Variants in KCND2 observed in about 807,000 individuals in gnomAD.
KCND2 encodes the protein potassium voltage-gated channel subfamily D member 2, also known as A-type voltage-gated potassium channel KCND2.
Under a neutral mutation model 54.4 loss-of-function variants are expected in KCND2, and 16 were observed. The observed-to-expected ratio is 0.29, with a 90% confidence interval of 0.20 to 0.45. KCND2 has a LOEUF of 0.45. KCND2 is among the 20% of genes least tolerant of loss of function. The probability of loss-of-function intolerance (pLI) is 1.00; values close to 1 mark genes in which losing one functional copy is unlikely to be tolerated. For missense variants in KCND2, 486 were observed against 824.2 expected (o/e 0.59, Z 5.02); for synonymous variants, 317 against 310.7 (o/e 1.02, Z -0.21).
intron 2 of KCND2, among the ~76,000 whole-genome samples, chr7:120,734,151 T>G (rs1343922367): frequency 6.6e-6 from 1 of 152,058 alleles, no homozygotes; most frequent in Non-Finnish European, 1.5e-5. Context: ...CAGAAACAAT[T>G]GTACTGATTA....
At chr7:120,426,989 A>G (rs752812592) in intron 1 of KCND2, among the ~76,000 whole-genome samples, 3 of 152,174 alleles carry the variant, frequency 2.0e-5, no homozygotes, top group Admixed American at 6.5e-5. Flanking sequence ...GAAATTCTCT[A>G]AAGGAAATGT....
chr7:120,482,934 A>C (rs185718033), intron 1 of KCND2, among the ~76,000 whole-genome samples: 2 of 152,280 alleles, frequency 1.3e-5, no homozygotes, highest in African/African-American at 4.8e-5. Context: ...TGACCCTACT[A>C]TTGACCCTGA....
chr7:120,513,534 A>C (rs1295015163), intron 1 of KCND2, among the ~76,000 whole-genome samples: 1 of 152,146 alleles, frequency 6.6e-6, no homozygotes, highest in Admixed American at 6.6e-5. Flanking sequence ...ATTTCACTAA[A>C]GTGATCCTCC....
chr7:120,635,153 A>T (rs557448521), intron 1 of KCND2, among the ~76,000 whole-genome samples: 5 of 152,258 alleles, frequency 3.3e-5, no homozygotes, highest in African/African-American at 1.2e-4. Flanking sequence ...TTCTTACTTT[A>T]TGAGCTTGTC....
intron 1 of KCND2, among the ~76,000 whole-genome samples, chr7:120,313,275 T>C (rs577663070): frequency 6.6e-6 from 1 of 152,290 alleles, no homozygotes; most frequent in African/African-American, 2.4e-5. Context: ...TTAAACAAAT[T>C]GATTGATAAA....
chr7:120,353,052 A>G (rs1203485717), intron 1 of KCND2, among the ~76,000 whole-genome samples: 1 of 151,504 alleles, frequency 6.6e-6, no homozygotes. Context: ...GCTTGTATTA[A>G]CCCTATACAA....
chr7:120,701,246 A>G (rs1792398339), intron 1 of KCND2, among the ~76,000 whole-genome samples: 1 of 59,532 alleles, frequency 1.7e-5, no homozygotes, highest in South Asian at 4.3e-4. Context: ...TAGCTAAAAA[A>G]AAAAAAAAAA....
At chr7:120,413,631 C>A (rs997715273) in intron 1 of KCND2, among the ~76,000 whole-genome samples, 5 of 151,772 alleles carry the variant, frequency 3.3e-5, no homozygotes, top group Non-Finnish European at 7.4e-5. Flanking sequence ...AAATTAATCC[C>A]TTTTCATGCA....
chr7:120,699,443 C>A (rs922169728), intron 1 of KCND2, among the ~76,000 whole-genome samples: 1 of 152,002 alleles, frequency 6.6e-6, no homozygotes, highest in Non-Finnish European at 1.5e-5. Context: ...GACAAACAAC[C>A]AGAAGCTTTG....
chr7:120,553,919 T>C (rs905703439), intron 1 of KCND2, among the ~76,000 whole-genome samples: 1 of 152,218 alleles, frequency 6.6e-6, no homozygotes, highest in Admixed American at 6.5e-5. Context: ...TAAAAAGTTA[T>C]TATGCAGATC....
At chr7:120,479,802 A>C (rs1395239696) in intron 1 of KCND2, among the ~76,000 whole-genome samples, 3,473 of 144,586 alleles carry the variant, frequency 0.024, 133 homozygotes, top group African/African-American at 0.081. Flanking sequence ...CACACAAAAA[A>C]AAAAAAAAAA....
At chr7:120,437,364 A>G (rs569765639) in intron 1 of KCND2, among the ~76,000 whole-genome samples, 1 of 151,080 alleles carries the variant, frequency 6.6e-6, no homozygotes, top group African/African-American at 2.4e-5. Context: ...CACCATGCCC[A>G]GATAATTTTT....
intron 1 of KCND2, among the ~76,000 whole-genome samples, chr7:120,410,619 C>T (rs1801435797): frequency 1.3e-5 from 2 of 151,826 alleles, no homozygotes; most frequent in Admixed American, 1.3e-4. Context: ...CATATGTATA[C>T]ATGTGCCATA....
At chr7:120,580,914 G>A (rs1792506726) in intron 1 of KCND2, among the ~76,000 whole-genome samples, 1 of 152,160 alleles carries the variant, frequency 6.6e-6, no homozygotes, top group Non-Finnish European at 1.5e-5. Context: ...AAGGATAGTT[G>A]AACATGGATT....
At chr7:120,723,551 G>A (rs1054434251) in intron 1 of KCND2, among the ~76,000 whole-genome samples, 1 of 152,114 alleles carries the variant, frequency 6.6e-6, no homozygotes, top group Non-Finnish European at 1.5e-5. Flanking sequence ...GGAGTTATTT[G>A]TATTTTAAAA....
intron 1 of KCND2, among the ~76,000 whole-genome samples, chr7:120,292,345 A>G (rs1799447653): frequency 6.6e-6 from 1 of 151,858 alleles, no homozygotes; most frequent in South Asian, 2.1e-4. Context: ...TTGCAATATT[A>G]TCCAAATACC....
intron 1 of KCND2, among the ~76,000 whole-genome samples, chr7:120,309,207 C>G (rs114584107): frequency 1.1e-4 from 17 of 152,176 alleles, no homozygotes; most frequent in African/African-American, 4.1e-4. Flanking sequence ...CCCACTGACT[C>G]ACCTCTGCAT....
chr7:120,532,381 T>C (rs959905326), intron 1 of KCND2, among the ~76,000 whole-genome samples: 1 of 151,866 alleles, frequency 6.6e-6, no homozygotes, highest in African/African-American at 2.4e-5. Context: ...TTTAAAACAG[T>C]TAAGCCTATA....
intron 1 of KCND2, among the ~76,000 whole-genome samples, chr7:120,690,888 T>G (rs534839483): frequency 1.3e-5 from 2 of 152,190 alleles, no homozygotes; most frequent in Admixed American, 6.5e-5. Flanking sequence ...GGGTAATGCA[T>G]GCTATAAAGA....
Sources: allele counts gnomAD v4.1 joint callset (sites outside exome capture counted in the v4.1 genomes callset), GRCh38; gene constraint gnomAD v4.1.1; transcripts MANE v1.5; gene names NCBI Gene and HGNC (gene_info 2026-07-23, HGNC 2026-07-21).